The following ZNRF3 variants were observed in gnomAD, a reference collection of about 807,000 sequenced individuals.
ZNRF3 encodes the protein zinc and ring finger 3.
A neutral mutation model predicts 72.5 loss-of-function variants in ZNRF3; 23 were observed. That is an observed-to-expected ratio of 0.32 (90% CI 0.23 to 0.45). The LOEUF is 0.45. ZNRF3 is among the 20% of genes least tolerant of loss of function. ZNRF3 has a pLI of 1.00. For missense variants in ZNRF3, 1,169 were observed against 1,272.1 expected, an observed-to-expected ratio of 0.92 and a Z score of 1.23; for synonymous variants, 610 against 545.3, an observed-to-expected ratio of 1.12 and a Z score of -1.65.
chr22:28,906,042 A>T (rs961532235), intron 1 of ZNRF3, among the ~76,000 whole-genome samples: 1 of 152,196 alleles, frequency 6.6e-6, no homozygotes, highest in Non-Finnish European at 1.5e-5. Flanking sequence ...AAGCCTGTTG[A>T]GGCTAAGCAT....
chr22:29,018,905 G>A (rs761255093), intron 2 of ZNRF3, among the ~76,000 whole-genome samples: 2 of 150,968 alleles, frequency 1.3e-5, no homozygotes, highest in African/African-American at 2.4e-5. Context: ...ATGATTCTGT[G>A]GGTTAGCTGA....
chr22:28,995,407 G>A (rs1224457952), intron 2 of ZNRF3, among the ~76,000 whole-genome samples: 3 of 152,078 alleles, frequency 2.0e-5, no homozygotes, highest in East Asian at 1.9e-4. Flanking sequence ...CAAACTGGGC[G>A]ACAGAGCGAG....
intron 1 of ZNRF3, among the ~76,000 whole-genome samples, chr22:28,969,691 A>G (rs769941921): frequency 2.0e-5 from 3 of 152,192 alleles, no homozygotes; most frequent in Non-Finnish European, 2.9e-5. Context: ...AGCCAGTGGT[A>G]ACTTGCACAG....
At chr22:29,053,481 C>T in intron 8 of ZNRF3, 98 bp from the exon 9 acceptor site, 4 of 1,170,302 alleles carry the variant, frequency 3.4e-6, no homozygotes, top group Non-Finnish European at 5.0e-6. Context: ...CATACACAGG[C>T]CTGCCACATG....
chr22:28,981,928 C>T (rs2123823386), intron 1 of ZNRF3, among the ~76,000 whole-genome samples: 1 of 152,186 alleles, frequency 6.6e-6, no homozygotes, highest in East Asian at 1.9e-4. Context: ...ACCCGGGAAG[C>T]AGAGGTTGCA....
In ZNRF3 at chr22:29,048,619, C is replaced by G; in HGVS notation, c.1015+128C>G. On this transcript the variant is annotated intron_variant, in intron 7 of 8. Coordinates refer to ENST00000544604, the MANE Select transcript of ZNRF3 (RefSeq NM_001206998.2). The surrounding 1 kb of genome is among the most constrained non-coding windows in gnomAD (Gnocchi z 4.9). ...CCTCTGGACTTGGAGGCCTGGCAGC[C>G]CTGGGTTTTGGAGGTTGTCTGCACG... 2.2e-6 allele frequency: 2 copies of G among 910,970 alleles called. No individual in the cohort carries two copies. The highest frequency in any genetic ancestry group is 3.4e-6 in the Non-Finnish European group (2 of 585,426). The allele number at this position is 910,970 out of a possible 1,614,324, so 56.4% of individuals were successfully genotyped here.
intron 2 of ZNRF3, among the ~76,000 whole-genome samples, chr22:28,996,951 T>C (rs2036054652): frequency 6.6e-6 from 1 of 152,150 alleles, no homozygotes; most frequent in South Asian, 2.1e-4. Flanking sequence ...GCCATCCTCA[T>C]TGGGGTTTTG....
At chr22:28,904,914 C>T (rs1028352444) in intron 1 of ZNRF3, among the ~76,000 whole-genome samples, 1 of 151,204 alleles carries the variant, frequency 6.6e-6, no homozygotes, top group African/African-American at 2.4e-5. Context: ...GACTATCATG[C>T]AGACCTGGGC....
In ZNRF3 at chr22:28,887,962, G is replaced by T. The variant is rs185048993; in HGVS notation, c.300+3896G>T. ...TGAAAGATTGTTTTAAAGTCGAAAT[G>T]CATTTTTTTTTTGCTTGAAGTCAAA... On this transcript the variant is annotated intron_variant, in intron 1 of 8. Coordinates refer to ENST00000544604, the MANE Select transcript of ZNRF3 (RefSeq NM_001206998.2). 2.1e-3 allele frequency among the ~76,000 whole-genome samples: 304 copies of T among 147,428 alleles called. 2 individuals carry two copies. Among genetic ancestry groups the T allele is most frequent in the African/African-American group, 7.5e-3 (286 of 38,020 alleles).
rs953715090 is a variant in ZNRF3, at chr22:29,053,711, T to C, written c.*89T>C. 3 of 1,366,644 alleles carry C rather than the reference T, an allele frequency of 2.2e-6. No individual in the cohort carries two copies. The African/African-American group carries it at 4.4e-5, about 20-fold the overall frequency. The allele number at this position is 1,366,644 out of a possible 1,614,324, so 84.7% of individuals were successfully genotyped here. On this transcript the variant is annotated 3_prime_UTR_variant, in exon 9 of 9. Transcript: ENST00000544604. ...AAAAAACAAAAACAAAAAATTTTTT[T>C]AGCTTTGACAAACACACAAAAGTGG...
At chr22:28,998,536 T>C (rs1337874686) in intron 2 of ZNRF3, among the ~76,000 whole-genome samples, 1 of 152,076 alleles carries the variant, frequency 6.6e-6, no homozygotes, top group Non-Finnish European at 1.5e-5. Flanking sequence ...GTAAAGGAAA[T>C]CAGATCAGAA....
intron 2 of ZNRF3, among the ~76,000 whole-genome samples, chr22:29,023,882 C>T (rs528880545): frequency 3.2e-4 from 49 of 152,262 alleles, no homozygotes; most frequent in South Asian, 8.3e-4. Flanking sequence ...GAGCCAATGT[C>T]GGCATATTCT....
chr22:28,942,503 T>G (rs1223377358), intron 1 of ZNRF3, among the ~76,000 whole-genome samples: 1 of 152,092 alleles, frequency 6.6e-6, no homozygotes, highest in East Asian at 1.9e-4. Context: ...GGCCTGGGAG[T>G]TGGGAGACTA....
At chr22:28,965,272 G>A (rs563101487) in intron 1 of ZNRF3, among the ~76,000 whole-genome samples, 20 of 152,246 alleles carry the variant, frequency 1.3e-4, no homozygotes, top group African/African-American at 3.1e-4. Flanking sequence ...AGCCGTCCCC[G>A]ACACAACTAC....
intron 1 of ZNRF3, among the ~76,000 whole-genome samples, chr22:28,972,689 CTT>C (rs767469112): frequency 2.0e-5 from 3 of 152,222 alleles, no homozygotes; most frequent in Non-Finnish European, 1.5e-5. Flanking sequence ...CTGCCAGACT[CTT>C]TTCCAAAGTG....
intron 2 of ZNRF3, among the ~76,000 whole-genome samples, chr22:29,011,976 C>T (rs2036354982): frequency 6.6e-6 from 1 of 152,182 alleles, no homozygotes; most frequent in African/African-American, 2.4e-5. Flanking sequence ...AATGTGGGCC[C>T]ACCACAGCCG....
Position 28,985,025 on chromosome 22 carries a change from G to A in ZNRF3, c.301-2051G>A, listed in dbSNP as rs117318115. Among the ~76,000 whole-genome samples the A allele has an allele frequency of 3.8e-3, 586 of 152,272 alleles. 26 individuals carry two copies. The East Asian group carries it at 0.09, about 23-fold the overall frequency. On this transcript the variant is annotated intron_variant, in intron 1 of 8. Coordinates refer to ENST00000544604, the MANE Select transcript of ZNRF3 (RefSeq NM_001206998.2). ...GCTGGCCGCCCTGTGCTCAGCAGTG[G>A]TGACCTCTCACCTGCCTTATGAGCT...
intron 2 of ZNRF3, among the ~76,000 whole-genome samples, chr22:28,991,279 C>CAAAAAAAAAA (rs59317059): frequency 1.9e-5 from 1 of 51,658 alleles, no homozygotes; most frequent in Non-Finnish European, 3.1e-5. Context: ...GACCCTCTCT[C>CAAAAAAAAAA]AAAAAAAAAA....
At chr22:28,923,487 C>A (rs748867792) in intron 1 of ZNRF3, among the ~76,000 whole-genome samples, 4 of 151,618 alleles carry the variant, frequency 2.6e-5, no homozygotes, top group Non-Finnish European at 5.9e-5. Flanking sequence ...TTAAAAATAG[C>A]AAAGGGTCAG....
Sources: gnomAD v4.1 joint callset for allele counts (sites outside exome capture counted in the v4.1 genomes callset) on GRCh38, gnomAD v4.1.1 for gene constraint, Gnocchi (gnomAD v3.1) non-coding constraint, MANE v1.5 for transcripts, NCBI Gene and HGNC (gene_info 2026-07-23, HGNC 2026-07-21) for gene names.